Variants in MRTFB observed in about 807,000 individuals in gnomAD.
MRTFB encodes the protein myocardin related transcription factor B.
MRTFB carries 29 observed loss-of-function variants against 104.2 expected under a neutral mutation model. That is an observed-to-expected ratio of 0.28 (90% CI 0.21 to 0.38). The LOEUF (loss-of-function observed/expected upper bound fraction) is 0.38, where lower values mean the gene tolerates loss of function less well. MRTFB is among the 10% of genes least tolerant of loss of function. The probability of loss-of-function intolerance (pLI) is 1.00; values close to 1 mark genes in which losing one functional copy is unlikely to be tolerated. For missense variants in MRTFB, 1,270 were observed against 1,341.6 expected (o/e 0.95, Z 0.83); for synonymous variants, 535 against 519.5 (o/e 1.03, Z -0.41).
rs1295120700 is a variant in MRTFB at position 14,261,970 on chromosome 16, A to G, written c.*526A>G. Reference sequence around the variant, plus strand: ...GGCAGTGGAGAGCCTTGGCCAGTTCAGTGACAGCTTCTGGCTGAAGACTTT... The same window carrying G: ...GGCAGTGGAGAGCCTTGGCCAGTTCGGTGACAGCTTCTGGCTGAAGACTTT... On this transcript the variant is annotated 3_prime_UTR_variant, in exon 17 of 17. Transcript: ENST00000571589. 6.6e-6 allele frequency: 1 copy of G among 152,358 alleles called. No homozygotes were observed. The highest frequency in any genetic ancestry group is 1.5e-5 in the Non-Finnish European group (1 of 68,134). The allele number at this position is 152,358 out of a possible 1,614,324, so 9.4% of individuals were successfully genotyped here.
chr16:14,110,275 C>T (rs1014662263), intron 2 of MRTFB, among the ~76,000 whole-genome samples: 5 of 152,202 alleles, frequency 3.3e-5, no homozygotes, highest in African/African-American at 1.2e-4. Flanking sequence ...GAGGCCAAAA[C>T]CACATGGCTG....
the MRTFB span, among the ~76,000 whole-genome samples, chr16:14,028,324 C>T: frequency 6.6e-6 from 1 of 152,164 alleles, no homozygotes. Flanking sequence ...GGTCTTCCAG[C>T]TCGAGTTACC....
At chr16:14,102,348 G>A (rs984931541) in intron 2 of MRTFB, among the ~76,000 whole-genome samples, 1 of 152,076 alleles carries the variant, frequency 6.6e-6, no homozygotes, top group African/African-American at 2.4e-5. Context: ...TCTTAATCAC[G>A]GGCTTAACGT....
intron 1 of MRTFB, among the ~76,000 whole-genome samples, chr16:14,076,812 G>A (rs1032186644): frequency 3.3e-5 from 5 of 152,094 alleles, no homozygotes; most frequent in Non-Finnish European, 7.4e-5. Flanking sequence ...GTTAACCTTT[G>A]GATTCGTGTC....
At chr16:14,178,766 CT>C (rs2039671240) in intron 3 of MRTFB, among the ~76,000 whole-genome samples, 1 of 151,636 alleles carries the variant, frequency 6.6e-6, no homozygotes, top group Non-Finnish European at 1.5e-5. Context: ...TTTTTTTTCC[CT>C]GAGACAAGTT....
chr16:14,187,022 A>G (rs745454693), intron 3 of MRTFB: 10 of 1,595,910 alleles, frequency 6.3e-6, no homozygotes. Flanking sequence ...GCAACCAGAA[A>G]AGTCTCAAGG....
At chr16:13,995,127 C>T in the MRTFB span, among the ~76,000 whole-genome samples, 2 of 152,112 alleles carry the variant, frequency 1.3e-5, no homozygotes, top group African/African-American at 2.4e-5. Context: ...TCCAGCCCTT[C>T]GTTGGTTGAT....
intron 2 of MRTFB, among the ~76,000 whole-genome samples, chr16:14,107,862 A>G (rs1387924116): frequency 1.3e-5 from 2 of 152,192 alleles, no homozygotes; most frequent in Non-Finnish European, 2.9e-5. Context: ...TGTTGTTGGG[A>G]TCTGTAGAAG....
intron 2 of MRTFB, among the ~76,000 whole-genome samples, chr16:14,086,912 G>C (rs1019441961): frequency 1.3e-5 from 2 of 152,116 alleles, no homozygotes; most frequent in Non-Finnish European, 2.9e-5. Flanking sequence ...CTTGGATTTT[G>C]TGCATCTGCA....
chr16:14,231,094 G>A (rs1464642321), intron 8 of MRTFB, among the ~76,000 whole-genome samples: 1 of 150,390 alleles, frequency 6.6e-6, no homozygotes, highest in Non-Finnish European at 1.5e-5. Context: ...GAGAACACAT[G>A]GACACAGGAA....
At chr16:13,996,621 T>C in the MRTFB span, among the ~76,000 whole-genome samples, 2 of 152,176 alleles carry the variant, frequency 1.3e-5, no homozygotes, top group African/African-American at 4.8e-5. Flanking sequence ...TGGAGTCCAA[T>C]GGGGAAGATG....
chr16:14,225,656 G>GCATT (rs74275913), intron 8 of MRTFB, among the ~76,000 whole-genome samples: 8,337 of 151,256 alleles, frequency 0.055, 348 homozygotes, highest in African/African-American at 0.11. Flanking sequence ...CATCCAGAAA[G>GCATT]CATTCATTCA....
the MRTFB span, among the ~76,000 whole-genome samples, chr16:14,058,283 G>T: frequency 5.3e-4 from 80 of 152,300 alleles, no homozygotes; most frequent in Non-Finnish European, 9.1e-4. Context: ...GTCACTTAGG[G>T]TTGGCGGGAA....
the MRTFB span, among the ~76,000 whole-genome samples, chr16:14,051,388 C>T: frequency 1.7e-4 from 26 of 152,096 alleles, no homozygotes; most frequent in Non-Finnish European, 2.9e-4. Context: ...CAGACACACT[C>T]ATACAAATAC....
chr16:14,239,774 T>C (rs1006467868), intron 9 of MRTFB, among the ~76,000 whole-genome samples: 6 of 152,250 alleles, frequency 3.9e-5, no homozygotes, highest in African/African-American at 1.4e-4. Flanking sequence ...TGCTTAAAGA[T>C]AGTTTATATT....
intron 2 of MRTFB, among the ~76,000 whole-genome samples, chr16:14,094,429 T>A (rs528193847): frequency 4.6e-5 from 7 of 152,322 alleles, no homozygotes; most frequent in Admixed American, 4.6e-4. Flanking sequence ...ACAATGAATT[T>A]GATAATTGAT....
chr16:14,180,734 G>A (rs2151008796), intron 3 of MRTFB, among the ~76,000 whole-genome samples: 1 of 152,316 alleles, frequency 6.6e-6, no homozygotes, highest in African/African-American at 2.4e-5. Flanking sequence ...CATGCATGGG[G>A]AAATTCCAAC....
At chr16:14,092,596 T>A (rs541889960) in intron 2 of MRTFB, 21 of 152,274 alleles carry the variant, frequency 1.4e-4, no homozygotes, top group African/African-American at 4.8e-4. Context: ...ATGATTTTTT[T>A]AAAATTTTGT....
At chr16:14,133,187 A>G (rs965752564) in intron 2 of MRTFB, among the ~76,000 whole-genome samples, 1 of 152,224 alleles carries the variant, frequency 6.6e-6, no homozygotes, top group Non-Finnish European at 1.5e-5. Context: ...AGACCAGCAC[A>G]TCTGTAAAGA....
Sources: gnomAD v4.1 joint callset for allele counts (sites outside exome capture counted in the v4.1 genomes callset) on GRCh38, gnomAD v4.1.1 for gene constraint, MANE v1.5 for transcripts, NCBI Gene and HGNC (gene_info 2026-07-23, HGNC 2026-07-21) for gene names.